The following STAT2 variants were observed in gnomAD, a reference collection of about 807,000 sequenced individuals.
STAT2 encodes the protein interferon alpha induced transcriptional activator.
Under a neutral mutation model 122.3 loss-of-function variants are expected in STAT2, and 51 were observed. That is an observed-to-expected ratio of 0.42 (90% CI 0.33 to 0.53). The LOEUF (loss-of-function observed/expected upper bound fraction) is 0.53, where lower values mean the gene tolerates loss of function less well. Among genes scored for constraint, STAT2 ranks in the 20% least tolerant of loss-of-function variants. The probability of loss-of-function intolerance (pLI) is 0.10; values close to 1 mark genes in which losing one functional copy is unlikely to be tolerated. For synonymous variants in STAT2, 351 were observed against 394.9 expected, an observed-to-expected ratio of 0.89 and a Z score of 1.32; for missense variants, 736 against 1,010.3, an observed-to-expected ratio of 0.73 and a Z score of 3.68.
At chr12:56,349,827 T>C in intron 13 of STAT2, 191 bp from the exon 14 acceptor site, 1 of 732,244 alleles carries the variant, frequency 1.4e-6, no homozygotes, top group South Asian at 1.7e-5. Flanking sequence ...GGCGGGTGGA[T>C]CACCTGAGGT....
chr12:56,348,242 C>T lies in STAT2; in HGVS notation c.1724+287G>A, dbSNP rs572954307. 1.2e-4 allele frequency among the ~76,000 whole-genome samples: 18 copies of T among 152,040 alleles called. 1 individual carries two copies. In the East Asian group the frequency reaches 3.5e-3, roughly 29 times the overall value. On this transcript the variant is annotated intron_variant, in intron 19 of 23. Transcript: ENST00000314128. Reference sequence around the variant, plus strand: ...AGCTGGGACTACAGGTGTCTGCCACCACGCCCGGCTAATTTTTTGTATTTT... The same window carrying T: ...AGCTGGGACTACAGGTGTCTGCCACTACGCCCGGCTAATTTTTTGTATTTT...
intron 7 of STAT2, 26 bp downstream of exon 7, chr12:56,354,752 C>T (rs1879250643): frequency 2.5e-6 from 4 of 1,614,044 alleles, no homozygotes; most frequent in Non-Finnish European, 3.4e-6. Flanking sequence ...CCTTGTTGCC[C>T]ACATGTTCTG....
At chr12:56,351,509 G>A in intron 8 of STAT2, 59 bp from the exon 9 acceptor site, 1 of 1,564,648 alleles carries the variant, frequency 6.4e-7, no homozygotes, top group African/African-American at 1.4e-5. Flanking sequence ...CCCCATCCAG[G>A]TTCCAAGATC....
intron 8 of STAT2, 48 bp from the exon 9 acceptor site, chr12:56,351,498 C>A (rs763713126): frequency 1.3e-6 from 2 of 1,583,010 alleles, no homozygotes; most frequent in South Asian, 1.2e-5. Context: ...TTCCTGGATT[C>A]CCCCATCCAG....
At chr12:56,348,309 G>C (rs1469709318) in intron 19 of STAT2, among the ~76,000 whole-genome samples, 1 of 151,522 alleles carries the variant, frequency 6.6e-6, no homozygotes, top group African/African-American at 2.4e-5. Context: ...GGATGGTCTC[G>C]ATCTCCTGAC....
rs141204874 is a variant in STAT2, at chr12:56,348,425, C to T, written c.1724+104G>A. On this transcript the variant is annotated intron_variant, in intron 19 of 23. Coordinates refer to ENST00000314128, the MANE Select transcript of STAT2 (RefSeq NM_005419.4). Reference sequence around the variant, plus strand: ...CAAATGTGAGGAGACGTGGCCTGCACCTGTCTTTGCTCTCTCTCCCTGCTT... The same window carrying T: ...CAAATGTGAGGAGACGTGGCCTGCATCTGTCTTTGCTCTCTCTCCCTGCTT... The T allele has an allele frequency of 2.1e-4, 249 of 1,195,302 alleles. 1 individual carries two copies. The Middle Eastern group carries it at 5.7e-3, about 27-fold the overall frequency. 74.0% of individuals were successfully genotyped at this position (1,195,302 alleles called of 1,614,324 possible). A position where few individuals can be genotyped will look rare whatever the true frequency, so the allele number is the denominator to read the frequency against.
intron 13 of STAT2, 129 bp downstream of exon 13, chr12:56,349,968 G>T: frequency 1.2e-6 from 1 of 807,022 alleles, no homozygotes; most frequent in Non-Finnish European, 2.0e-6. Context: ...AGAATTGCTT[G>T]AACCCGGGAG....
chr12:56,359,173 G>C (rs1266572540), intron 1 of STAT2, among the ~76,000 whole-genome samples: 2 of 152,214 alleles, frequency 1.3e-5, no homozygotes, highest in East Asian at 1.9e-4. Flanking sequence ...AGGAACAAGG[G>C]AAGGGAGGGA....
Position 56,354,614 on chromosome 12 carries a change from C to T in STAT2, c.634G>A (p.Glu212Lys), listed in dbSNP as rs1391141866. The T allele has an allele frequency of 6.2e-7, 1 of 1,614,142 alleles. No homozygotes were observed. The highest frequency in any genetic ancestry group is 1.7e-5 in the Admixed American group (1 of 60,014). The stretch of plus-strand genomic sequence containing the variant: ...AGTGCTTTGGAGGCATCCAGCACCT[C>T]CTGGGAAAGAGATAATGTGAGTGTT... ...TLNELDKRRKEVLDASKALLG... is the reference protein window; with the variant it reads ...TLNELDKRRKKVLDASKALLG... The change falls in exon 8 of 24, where the codon GAG becomes AAG. Residue 212 changes from glutamate (E) to lysine (K), a missense_variant and splice_region_variant. Coordinates refer to ENST00000314128, the MANE Select transcript of STAT2 (RefSeq NM_005419.4).
rs2066816 is a variant in STAT2, at chr12:56,356,219, C to T, written c.198G>A (p.Gln66=). The T allele has an allele frequency of 3.7e-6, 6 of 1,613,884 alleles. 2 individuals carry two copies. In the African/African-American group the frequency reaches 8.0e-5, roughly 22 times the overall value. The part of the protein sequence containing the change: ...ATMLFFHFLD[Q]LNYECGRCSQ... ...TGCAACGGCCACACTCATAGTTCAG[C>T]TGATCCAAGAAGTGGAAGAATAGCA... The change falls in exon 3 of 24, where the codon CAG becomes CAA. Residue 66 remains glutamine (Q), a synonymous_variant. Coordinates refer to ENST00000314128, the MANE Select transcript of STAT2 (RefSeq NM_005419.4).
At chr12:56,359,789 GA>G (rs1880096227) in intron 1 of STAT2, among the ~76,000 whole-genome samples, 1 of 152,178 alleles carries the variant, frequency 6.6e-6, no homozygotes, top group Non-Finnish European at 1.5e-5. Context: ...AGAGCAGAGG[GA>G]AAAACGTCAG....
At chr12:56,346,708 C>T (rs976830603) in intron 20 of STAT2, 84 bp from the exon 21 acceptor site, 57 of 1,601,090 alleles carry the variant, frequency 3.6e-5, no homozygotes, top group Non-Finnish European at 4.5e-5. Flanking sequence ...CAGTCCCAAA[C>T]CAGCTGAGGG....
At chr12:56,349,744 CCT>C (rs952811477) in intron 13 of STAT2, 108 bp from the exon 14 acceptor site, 107 of 1,446,484 alleles carry the variant, frequency 7.4e-5, no homozygotes, top group South Asian at 2.4e-4. Context: ...TCCCCCAACC[CCT>C]GTTCCTTTGG....
At chr12:56,354,756 T>A in intron 7 of STAT2, 22 bp downstream of exon 7, 1 of 1,614,126 alleles carries the variant, frequency 6.2e-7, no homozygotes, top group Non-Finnish European at 8.5e-7. Context: ...GTTGCCCACA[T>A]GTTCTGTCCT....
chr12:56,354,008 AAAAAAAAAAT>A (rs1879002550), intron 8 of STAT2, among the ~76,000 whole-genome samples: 1 of 19,802 alleles, frequency 5.0e-5, no homozygotes, highest in Admixed American at 1.2e-3. Flanking sequence ...AAAAAAAAAA[AAAAAAAAAAT>A]ATATATATAT....
At chr12:56,359,457 G>A (rs1344552981) in intron 1 of STAT2, among the ~76,000 whole-genome samples, 3 of 152,062 alleles carry the variant, frequency 2.0e-5, no homozygotes, top group African/African-American at 4.8e-5. Context: ...GAGGATTTAA[G>A]TGTCTGATAT....
rs55744449 is a variant in STAT2 at position 56,355,369 on chromosome 12, C to A, written c.472-18G>T. 3.2e-4 allele frequency: 511 copies of A among 1,614,192 alleles called. 5 individuals are homozygous for A. In the East Asian group the frequency reaches 0.011, roughly 36 times the overall value. ...ACCAGCTTCTGCAGAGGGGAGAGGACCCCGATGAGGCTGCTTCTCAGGGAG... is the reference window on the plus strand; with the variant it reads ...ACCAGCTTCTGCAGAGGGGAGAGGAACCCGATGAGGCTGCTTCTCAGGGAG... On this transcript the variant is annotated intron_variant, in intron 5 of 23. Coordinates refer to ENST00000314128, the MANE Select transcript of STAT2 (RefSeq NM_005419.4).
chr12:56,349,179 A>C lies in STAT2; in HGVS notation c.1424T>G (p.Leu475Arg). 6.2e-7 allele frequency: 1 copy of C among 1,614,118 alleles called. No individual in the cohort carries two copies. The highest frequency in any genetic ancestry group is 8.5e-7 in the Non-Finnish European group (1 of 1,180,022). ...CTCCCCTACCTGAAGGTTTGGGCTG[A>C]GCAAATTGAACCAGAGAACTGAAGC... ...AWASVLWFNL[L>R]SPNLQNQQFF... The change falls in exon 16 of 24, where the codon CTC becomes CGC. Residue 475 changes from leucine to arginine, a missense_variant. Coordinates refer to ENST00000314128, the MANE Select transcript of STAT2 (RefSeq NM_005419.4).
chr12:56,356,380 C>A, intron 2 of STAT2, 61 bp downstream of exon 2: 2 of 1,607,664 alleles, frequency 1.2e-6, no homozygotes, highest in Non-Finnish European at 1.7e-6. Context: ...ATTCCAGGAT[C>A]CCGGGGGCCC....
Sources: gnomAD v4.1 joint callset for allele counts (sites outside exome capture counted in the v4.1 genomes callset) on GRCh38, gnomAD v4.1.1 for gene constraint, MANE v1.5 for transcripts, NCBI Gene and HGNC (gene_info 2026-07-23, HGNC 2026-07-21) for gene names.